ZSCAN20: variants seen among roughly 807,000 people sequenced by gnomAD.
ZSCAN20 encodes the protein zinc finger and SCAN domain containing 20.
A neutral mutation model predicts 97.1 loss-of-function variants in ZSCAN20; 39 were observed. The observed-to-expected ratio is 0.40, with a 90% confidence interval of 0.31 to 0.52. The LOEUF (loss-of-function observed/expected upper bound fraction) is 0.52, where lower values mean the gene tolerates loss of function less well. Among genes scored for constraint, ZSCAN20 ranks in the 20% least tolerant of loss-of-function variants. ZSCAN20 has a pLI of 0.49. For synonymous variants in ZSCAN20, 456 were observed against 467.3 expected, an observed-to-expected ratio of 0.98 and a Z score of 0.31; for missense variants, 1,115 against 1,290.4, an observed-to-expected ratio of 0.86 and a Z score of 2.08.
intron 1 of ZSCAN20, 118 bp from the exon 2 acceptor site, chr1:33,479,061 G>C (rs1195318209): frequency 2.3e-6 from 1 of 438,984 alleles, no homozygotes. Flanking sequence ...CTATGGGAAA[G>C]GGGCATCTCT....
rs746682792 is a variant in ZSCAN20 at position 33,489,222 on chromosome 1, C to A, written c.681+31C>A. 3 of 1,599,848 alleles carry A rather than the reference C, an allele frequency of 1.9e-6. No homozygotes were observed. In the Admixed American group the frequency reaches 5.0e-5, roughly 27 times the overall value. ...CTGTTACTCGTTCTTCCTTTCCTGT[C>A]ATTGCTGCTCCTGTGCTCTTGCCCC... On this transcript the variant is annotated intron_variant, in intron 4 of 7. Transcript: ENST00000684572.
rs751263704 is a variant in ZSCAN20 at position 33,493,416 on chromosome 1, A to G, written c.1674A>G (p.Thr558=). The part of the protein sequence containing the change: ...RKAKSSHPPG[T]CPFYEELDSL... Reference sequence around the variant, plus strand: ...CCAAGAGCAGCCACCCACCAGGGACATGCCCTTTCTATGAGGAACTGGACT... The same window carrying G: ...CCAAGAGCAGCCACCCACCAGGGACGTGCCCTTTCTATGAGGAACTGGACT... The change falls in exon 7 of 8, where the codon ACA becomes ACG. Residue 558 remains threonine (T), a synonymous_variant. Coordinates refer to ENST00000684572, the MANE Select transcript of ZSCAN20 (RefSeq NM_001377376.1). The surrounding 1 kb of genome is among the most constrained non-coding windows in gnomAD (Gnocchi z 4.3). 31 of 1,614,106 alleles carry G rather than the reference A, an allele frequency of 1.9e-5. No homozygotes were observed. Among genetic ancestry groups the G allele is most frequent in the East Asian group, 4.5e-5 (2 of 44,892 alleles).
chr1:33,491,278 A>G lies in ZSCAN20; in HGVS notation c.1020A>G (p.Glu340=). The change falls in exon 6 of 8, where the codon GAA becomes GAG. Residue 340 remains glutamate (E), a synonymous_variant. Coordinates refer to ENST00000684572, the MANE Select transcript of ZSCAN20 (RefSeq NM_001377376.1). The surrounding 1 kb of genome is among the most constrained non-coding windows in gnomAD (Gnocchi z 4.3). ...AGACTTTCCTGGCAATTTTGAGTGA[A>G]TCTCCTTTCTCTGAAAAGCTCCGGA... is the stretch of plus-strand genomic sequence containing the variant. ...ETKTFLAILS[E]SPFSEKLRTC... is the part of the protein sequence containing the mutation. The G allele has an allele frequency of 1.9e-6, 3 of 1,614,126 alleles. No individual in the cohort carries two copies. Among genetic ancestry groups the G allele is most frequent in the East Asian group, 2.2e-5 (1 of 44,880 alleles).
chr1:33,477,012 A>G (rs1411247111), intron 1 of ZSCAN20, among the ~76,000 whole-genome samples: 1 of 152,220 alleles, frequency 6.6e-6, no homozygotes, highest in Admixed American at 6.5e-5. Context: ...TGATTCTAGT[A>G]ATATAGTATA....
intron 4 of ZSCAN20, 92 bp from the exon 5 acceptor site, chr1:33,489,426 T>TGTGG: frequency 7.8e-7 from 1 of 1,283,740 alleles, no homozygotes; most frequent in South Asian, 1.2e-5. Context: ...TATCCCTCTG[T>TGTGG]TCCCATCATC....
chr1:33,486,394 C>T (rs754317191), intron 2 of ZSCAN20, among the ~76,000 whole-genome samples: 1 of 152,232 alleles, frequency 6.6e-6, no homozygotes, highest in East Asian at 1.9e-4. Flanking sequence ...AGTTGTGATT[C>T]TCTGATTCTA....
chr1:33,478,665 A>C (rs2148447865), intron 1 of ZSCAN20, among the ~76,000 whole-genome samples: 1 of 152,222 alleles, frequency 6.6e-6, no homozygotes, highest in South Asian at 2.1e-4. Context: ...TGGATTTTGC[A>C]AGGAGAACAT....
intron 2 of ZSCAN20, among the ~76,000 whole-genome samples, chr1:33,482,868 G>T (rs532858105): frequency 1.4e-4 from 21 of 152,196 alleles, no homozygotes; most frequent in Non-Finnish European, 2.6e-4. Context: ...ATTTTCTTTG[G>T]TGTGGTGACT....
chr1:33,494,461 C>G lies in ZSCAN20; in HGVS notation c.2117C>G (p.Ala706Gly). The G allele has an allele frequency of 6.2e-7, 1 of 1,614,094 alleles. No homozygotes were observed. Among genetic ancestry groups the G allele is most frequent in the Non-Finnish European group, 8.5e-7 (1 of 1,179,968 alleles). The change falls in exon 8 of 8, where the codon GCA becomes GGA. Residue 706 changes from alanine to glycine, a missense_variant. By Grantham distance (60) the Ala-to-Gly change is moderately conservative. Transcript: ENST00000684572. ...KLIDHQGLYL[A>G]EKPYKCDTCM... ...ATTGACCATCAAGGCCTGTACCTTG[C>G]AGAGAAACCCTACAAGTGTGACACA...
chr1:33,473,323 A>G (rs146935818), intron 1 of ZSCAN20, among the ~76,000 whole-genome samples: 1 of 152,288 alleles, frequency 6.6e-6, no homozygotes, highest in Non-Finnish European at 1.5e-5. Context: ...TTTCTTTAAT[A>G]TCTTTTCAGT....
In ZSCAN20 at chr1:33,493,285, C is replaced by G. The variant is rs757989961; in HGVS notation, c.1543C>G (p.Gln515Glu). 3.1e-6 allele frequency: 5 copies of G among 1,614,234 alleles called. No homozygotes were observed. The highest frequency in any genetic ancestry group is 3.3e-5 in the Admixed American group (2 of 60,032). Residue 515 changes from glutamine (Q) to glutamate (E), a missense_variant, in exon 7 of 8, where the codon CAG becomes GAG. Transcript: ENST00000684572. The surrounding 1 kb of genome is among the most constrained non-coding windows in gnomAD (Gnocchi z 4.3). ...GCTTCGTACCTGTCACCAGAACAGC[C>G]AGGTGTACCGGGCCATTGCAGAGCG... ...EKLRTCHQNSQVYRAIAERLC... is the reference protein window; with the variant it reads ...EKLRTCHQNSEVYRAIAERLC...
In ZSCAN20 at chr1:33,488,865, C is replaced by T. The variant is rs558868601; in HGVS notation, c.604+214C>T. Reference sequence around the variant, plus strand: ...ATGCCCTGCTGTAGCTGGAGTCCTGCAGCAGGTGCAGGCTGGGACAGGGGT... The same window carrying T: ...ATGCCCTGCTGTAGCTGGAGTCCTGTAGCAGGTGCAGGCTGGGACAGGGGT... On this transcript the variant is annotated intron_variant, in intron 3 of 7. Coordinates refer to ENST00000684572, the MANE Select transcript of ZSCAN20 (RefSeq NM_001377376.1). Among the ~76,000 whole-genome samples, 12 of 60,488 alleles carry T rather than the reference C, an allele frequency of 2.0e-4. No homozygotes were observed. In the South Asian group the frequency reaches 2.8e-3, roughly 14 times the overall value. 39.7% of individuals were successfully genotyped at this position (60,488 alleles called of 152,430 possible). A position where few individuals can be genotyped will look rare whatever the true frequency, so the allele number is the denominator to read the frequency against.
intron 2 of ZSCAN20, among the ~76,000 whole-genome samples, chr1:33,484,209 A>G (rs545645920): frequency 3.7e-4 from 56 of 152,226 alleles, no homozygotes; most frequent in African/African-American, 1.3e-3. Context: ...CTTATCTTGT[A>G]TTAGTCTGGA....
intron 1 of ZSCAN20, among the ~76,000 whole-genome samples, chr1:33,478,059 C>T (rs1652002333): frequency 6.6e-6 from 1 of 152,056 alleles, no homozygotes; most frequent in Non-Finnish European, 1.5e-5. Context: ...TTCTGGAGCA[C>T]CATGACTAGT....
chr1:33,495,186 A>G lies in ZSCAN20; in HGVS notation c.2842A>G (p.Thr948Ala), dbSNP rs750539750. 4 of 1,613,868 alleles carry G rather than the reference A, an allele frequency of 2.5e-6. No individual in the cohort carries two copies. The highest frequency in any genetic ancestry group is 3.4e-6 in the Non-Finnish European group (4 of 1,179,880). The change falls in exon 8 of 8, where the codon ACA (threonine) becomes GCA (alanine). Residue 948 changes from threonine to alanine, a missense_variant. Around this residue, in one of 3 missense-constraint regions of ZSCAN20, gnomAD observed 554 missense variants for 584.9 expected, o/e 0.95. Transcript: ENST00000684572. Reference sequence around the variant, plus strand: ...CTTCAGTGAGCGCTCCAAGCTCATCACACACCAGAGAGTGCACACAGGAGA... The same window carrying G: ...CTTCAGTGAGCGCTCCAAGCTCATCGCACACCAGAGAGTGCACACAGGAGA... ...KCFSERSKLI[T>A]HQRVHTGEKP...
In ZSCAN20 at chr1:33,494,710, C is replaced by A; in HGVS notation, c.2366C>A (p.Thr789Lys). 6.2e-7 allele frequency: 1 copy of A among 1,614,012 alleles called. No individual in the cohort carries two copies. Among genetic ancestry groups the A allele is most frequent in the Non-Finnish European group, 8.5e-7 (1 of 1,180,012 alleles). Residue 789 changes from threonine to lysine, a missense_variant, in exon 8 of 8, where the codon ACG (threonine) becomes AAG (lysine). Transcript: ENST00000684572. ...SNLITHQRIH[T>K]GEKPYKCGEC... ...CTCATCACTCACCAGAGAATTCACA[C>A]GGGGGAAAAGCCCTATAAATGTGGA...
chr1:33,479,070 C>T (rs1240143166), intron 1 of ZSCAN20, 109 bp from the exon 2 acceptor site: 2 of 490,512 alleles, frequency 4.1e-6, no homozygotes. Context: ...AGGGGCATCT[C>T]TTAGCACCTC....
At chr1:33,480,831 C>T (rs538877880) in intron 2 of ZSCAN20, among the ~76,000 whole-genome samples, 1 of 152,334 alleles carries the variant, frequency 6.6e-6, no homozygotes, top group East Asian at 1.9e-4. Flanking sequence ...CATTTTGAAT[C>T]CTGCTTCAAA....
At position 33,479,439 on chromosome 1, in the gene ZSCAN20, C is replaced by T. The variant is rs1652056070; in HGVS notation, c.151C>T (p.Arg51Cys). 11 of 1,614,250 alleles carry T rather than the reference C, an allele frequency of 6.8e-6. No individual in the cohort carries two copies. Among genetic ancestry groups the T allele is most frequent in the East Asian group, 4.5e-5 (2 of 44,886 alleles). The change falls in exon 2 of 8, where the codon CGC becomes TGC. Residue 51 changes from arginine (R) to cysteine (C), a missense_variant. This residue lies in a region of ZSCAN20 where 508 missense variants were observed against 611.2 expected (regional missense o/e 0.83). Coordinates refer to ENST00000684572, the MANE Select transcript of ZSCAN20 (RefSeq NM_001377376.1). ...RGSVSGPEAS[R>C]QRFRQFQYRD... Reference sequence around the variant, plus strand: ...CTCTGTCTCTGGCCCAGAGGCCTCCCGCCAGCGCTTCAGGCAATTCCAATA... The same window carrying T: ...CTCTGTCTCTGGCCCAGAGGCCTCCTGCCAGCGCTTCAGGCAATTCCAATA...
Sources: gnomAD v4.1 joint callset for allele counts (sites outside exome capture counted in the v4.1 genomes callset) on GRCh38, gnomAD v4.1.1 for gene constraint, gnomAD v4.1.1 regional missense constraint, Gnocchi (gnomAD v3.1) non-coding constraint, MANE v1.5 for transcripts, NCBI Gene and HGNC (gene_info 2026-07-23, HGNC 2026-07-21) for gene names.